The following GRIP1 variants were observed in gnomAD, a reference collection of about 807,000 sequenced individuals.
GRIP1 encodes the protein glutamate receptor interacting protein 1.
GRIP1 carries 45 observed loss-of-function variants against 129.9 expected under a neutral mutation model. That is an observed-to-expected ratio of 0.35 (90% CI 0.27 to 0.44). GRIP1 has a LOEUF of 0.44. Ranked by LOEUF, GRIP1 falls within the 20% of genes least tolerant of loss-of-function variation. The pLI, the probability that GRIP1 is intolerant of heterozygous loss-of-function variation, is 1.00. For missense variants in GRIP1, 1,196 were observed against 1,396.8 expected (o/e 0.86, Z 2.29); for synonymous variants, 530 against 520.8 (o/e 1.02, Z -0.24).
At chr12:66,512,140 A>C (rs2060717743) in intron 7 of GRIP1, among the ~76,000 whole-genome samples, 1 of 152,134 alleles carries the variant, frequency 6.6e-6, no homozygotes, top group South Asian at 2.1e-4. Context: ...GGGTCAATTA[A>C]ACCTCTTTTC....
intron 1 of GRIP1, among the ~76,000 whole-genome samples, chr12:66,952,189 A>C (rs1323705993): frequency 1.3e-5 from 2 of 152,144 alleles, no homozygotes; most frequent in Admixed American, 6.5e-5. Context: ...TGAACAGCTG[A>C]GCAGAGCAGT....
At chr12:66,629,205 T>C (rs2030453989) in intron 1 of GRIP1, among the ~76,000 whole-genome samples, 1 of 152,228 alleles carries the variant, frequency 6.6e-6, no homozygotes, top group Non-Finnish European at 1.5e-5. Context: ...CAAGAAAATA[T>C]TTGTTTTAGT....
chr12:66,739,915 C>T (rs1362485109), intron 1 of GRIP1, among the ~76,000 whole-genome samples: 1 of 152,112 alleles, frequency 6.6e-6, no homozygotes, highest in Non-Finnish European at 1.5e-5. Context: ...AGTCTCTACC[C>T]ATCTTCCTCA....
intron 7 of GRIP1, among the ~76,000 whole-genome samples, chr12:66,506,995 G>T (rs983510039): frequency 6.6e-6 from 1 of 152,054 alleles, no homozygotes; most frequent in Non-Finnish European, 1.5e-5. Context: ...CTTTTATATA[G>T]GGAAACCCTC....
At chr12:66,355,633 G>A (rs2054453202) in intron 23 of GRIP1, among the ~76,000 whole-genome samples, 1 of 152,116 alleles carries the variant, frequency 6.6e-6, no homozygotes, top group African/African-American at 2.4e-5. Flanking sequence ...ACACTGTGTG[G>A]TTGAGAGCAC....
At chr12:66,708,848 T>C (rs1468047780) in intron 1 of GRIP1, among the ~76,000 whole-genome samples, 2 of 151,824 alleles carry the variant, frequency 1.3e-5, no homozygotes, top group African/African-American at 4.8e-5. Context: ...CAAGTAAATT[T>C]AGTTGTGGTT....
chr12:66,663,133 C>A (rs556178542), intron 1 of GRIP1, among the ~76,000 whole-genome samples: 1 of 152,194 alleles, frequency 6.6e-6, no homozygotes, highest in South Asian at 2.1e-4. Context: ...ACAAGCTCTA[C>A]CAAATTGAAA....
chr12:66,605,568 G>A (rs1157339265), intron 1 of GRIP1, among the ~76,000 whole-genome samples: 1 of 152,096 alleles, frequency 6.6e-6, no homozygotes, highest in Non-Finnish European at 1.5e-5. Flanking sequence ...TATATCTGTG[G>A]GGCGGAGCAT....
At chr12:66,354,212 C>T (rs954286207) in intron 23 of GRIP1, among the ~76,000 whole-genome samples, 5 of 152,136 alleles carry the variant, frequency 3.3e-5, no homozygotes, top group South Asian at 2.1e-4. Context: ...CTGAGTGCTG[C>T]GGCCTGCCCC....
At chr12:66,392,838 G>A (rs1191567707) in intron 17 of GRIP1, 22 bp from the exon 18 acceptor site, 7 of 1,609,946 alleles carry the variant, frequency 4.3e-6, no homozygotes, top group Middle Eastern at 1.7e-4. Context: ...AATAGTAATA[G>A]GAGAGGTAGA....
Position 66,624,066 on chromosome 12 carries a change from C to T in GRIP1, c.56-27139G>A, listed in dbSNP as rs529745406. ...TAATTTCAGGGTGCAACGCACTGTG[C>T]TAGATGATGGAAATACAATTTTATC... On this transcript the variant is annotated intron_variant, in intron 1 of 24. Coordinates refer to ENST00000359742, the MANE Select transcript of GRIP1 (RefSeq NM_001366722.1). Among the ~76,000 whole-genome samples, 8 of 152,256 alleles carry T rather than the reference C, an allele frequency of 5.3e-5. 1 individual carries two copies. Among genetic ancestry groups the T allele is most frequent in the Admixed American group, 1.3e-4 (2 of 15,278 alleles).
intron 1 of GRIP1, among the ~76,000 whole-genome samples, chr12:66,708,814 ATT>A (rs1312454693): frequency 6.6e-6 from 1 of 151,824 alleles, no homozygotes; most frequent in African/African-American, 2.4e-5. Flanking sequence ...TGAAGTTTAT[ATT>A]TACTTTTTCT....
chr12:66,864,132 G>C (rs188433211), intron 1 of GRIP1, among the ~76,000 whole-genome samples: 1 of 151,956 alleles, frequency 6.6e-6, no homozygotes, highest in East Asian at 1.9e-4. Flanking sequence ...TGTGGATCCC[G>C]AGTGGATCTC....
chr12:66,634,366 A>G (rs1342217470), intron 1 of GRIP1, among the ~76,000 whole-genome samples: 1 of 152,178 alleles, frequency 6.6e-6, no homozygotes, highest in African/African-American at 2.4e-5. Flanking sequence ...TGGCAATTTT[A>G]GTGCTTTACT....
intron 1 of GRIP1, among the ~76,000 whole-genome samples, chr12:66,989,770 T>C (rs925548340): frequency 3.9e-5 from 6 of 152,188 alleles, no homozygotes; most frequent in Non-Finnish European, 7.3e-5. Context: ...GGAAATGGAA[T>C]CCCTGGCTCC....
At chr12:66,525,000 T>C (rs150503007) in intron 5 of GRIP1, among the ~76,000 whole-genome samples, 3,472 of 152,266 alleles carry the variant, frequency 0.023, 124 homozygotes, top group African/African-American at 0.08. Context: ...AATCTCTGAA[T>C]AGACCAATAA....
chr12:67,059,669 T>C (rs1471924989), intron 1 of GRIP1, among the ~76,000 whole-genome samples: 1 of 152,232 alleles, frequency 6.6e-6, no homozygotes, highest in Non-Finnish European at 1.5e-5. Flanking sequence ...AAAGCAGTTA[T>C]GGGAAACAAA....
intron 1 of GRIP1, among the ~76,000 whole-genome samples, chr12:66,602,558 A>G (rs554132869): frequency 9.2e-5 from 14 of 152,292 alleles, no homozygotes; most frequent in African/African-American, 3.1e-4. Flanking sequence ...AGGCTGCAAC[A>G]TTTCATTTCC....
chr12:67,025,045 T>G (rs930923881), intron 1 of GRIP1, among the ~76,000 whole-genome samples: 1 of 152,116 alleles, frequency 6.6e-6, no homozygotes, highest in Non-Finnish European at 1.5e-5. Flanking sequence ...TATGTAGGAA[T>G]AAGCAAAAAG....
Sources: allele counts gnomAD v4.1 joint callset (sites outside exome capture counted in the v4.1 genomes callset), GRCh38; gene constraint gnomAD v4.1.1; transcripts MANE v1.5; gene names NCBI Gene and HGNC (gene_info 2026-07-23, HGNC 2026-07-21).